Variants in KCNC2 observed in about 807,000 individuals in gnomAD.
KCNC2 encodes the protein voltage-gated potassium channel KCNC2.
Under a neutral mutation model 44.5 loss-of-function variants are expected in KCNC2, and 21 were observed. The ratio of observed to expected loss-of-function variants is 0.47; its 90% CI spans 0.33 to 0.68. KCNC2 has a LOEUF of 0.68. Among genes scored for constraint, KCNC2 ranks in the 30% least tolerant of loss-of-function variants. KCNC2 has a pLI of 0.01. For synonymous variants in KCNC2, 391 were observed against 339.1 expected (o/e 1.15, Z -1.68); for missense variants, 589 against 826.2 (o/e 0.71, Z 3.52).
intron 2 of KCNC2, among the ~76,000 whole-genome samples, chr12:75,117,959 T>C (rs536073237): frequency 1.3e-5 from 2 of 152,298 alleles, no homozygotes; most frequent in African/African-American, 4.8e-5. Flanking sequence ...TCATCCTGCA[T>C]AGTAATCAAT....
intron 2 of KCNC2, among the ~76,000 whole-genome samples, chr12:75,147,849 C>A (rs1429736608): frequency 6.6e-6 from 1 of 152,246 alleles, no homozygotes; most frequent in East Asian, 1.9e-4. Context: ...AGTTAGTGAT[C>A]TGGAAGATAT....
chr12:75,143,236 G>A (rs951474337), intron 2 of KCNC2, among the ~76,000 whole-genome samples: 8 of 152,038 alleles, frequency 5.3e-5, no homozygotes, highest in Admixed American at 3.3e-4. Flanking sequence ...AGTTGACCTC[G>A]GCGATCTCCA....
intron 2 of KCNC2, among the ~76,000 whole-genome samples, chr12:75,122,728 A>G (rs552089979): frequency 3.3e-5 from 5 of 152,284 alleles, no homozygotes; most frequent in Admixed American, 3.3e-4. Context: ...TCTATGAAAT[A>G]TTCATTATCA....
intron 2 of KCNC2, among the ~76,000 whole-genome samples, chr12:75,131,124 G>A (rs1339132776): frequency 4.6e-5 from 7 of 152,092 alleles, no homozygotes; most frequent in Admixed American, 2.6e-4. Flanking sequence ...GCTGTAACAC[G>A]TCAGCGAAAA....
chr12:75,076,684 G>C (rs1301226976), intron 2 of KCNC2, among the ~76,000 whole-genome samples: 1 of 152,026 alleles, frequency 6.6e-6, no homozygotes, highest in Non-Finnish European at 1.5e-5. Flanking sequence ...TTCTCCTCTA[G>C]AATATTAGAT....
intron 2 of KCNC2, among the ~76,000 whole-genome samples, chr12:75,158,560 T>G (rs975212289): frequency 3.3e-5 from 5 of 151,830 alleles, no homozygotes; most frequent in African/African-American, 1.2e-4. Flanking sequence ...AAAGCAAGGT[T>G]TTTTCATGGT....
In KCNC2 at chr12:75,116,781, A is replaced by G. The variant is rs1592907070; in HGVS notation, c.688-65464T>C. ...AGCCTGTACCCACCCTTCTTAACGG[A>G]CACCATATGCTGACCCTCCTCCCCC... On this transcript the variant is annotated intron_variant, in intron 2 of 4. Transcript: ENST00000549446. Among the ~76,000 whole-genome samples, 6 of 152,084 alleles carry G rather than the reference A, an allele frequency of 3.9e-5. No homozygotes were observed. The South Asian group carries it at 1.2e-3, about 31-fold the overall frequency.
At chr12:75,175,713 T>C (rs1051340606) in intron 2 of KCNC2, among the ~76,000 whole-genome samples, 2 of 152,032 alleles carry the variant, frequency 1.3e-5, no homozygotes, top group Admixed American at 6.6e-5. Flanking sequence ...ACAAAACACA[T>C]GTAGTAAAAG....
chr12:75,178,177 C>G (rs1892322586), intron 2 of KCNC2, among the ~76,000 whole-genome samples: 1 of 152,022 alleles, frequency 6.6e-6, no homozygotes, highest in Non-Finnish European at 1.5e-5. Flanking sequence ...CTTCTACTTT[C>G]ATCACAACCA....
Position 75,160,666 on chromosome 12 carries a change from A to T in KCNC2, c.687+46631T>A, listed in dbSNP as rs1050391799. On this transcript the variant is annotated intron_variant, in intron 2 of 4. Transcript: ENST00000549446. ...TGAAGGCGGTTTGTTTGAAAACAAT[A>T]TGCTTTTCTGGTAACAATGTTGTGG... Among the ~76,000 whole-genome samples the T allele has an allele frequency of 4.6e-5, 7 of 151,860 alleles. No homozygotes were observed. In the East Asian group the frequency reaches 5.8e-4, roughly 13 times the overall value.
intron 2 of KCNC2, among the ~76,000 whole-genome samples, chr12:75,073,934 CT>C (rs1883660416): frequency 6.6e-6 from 1 of 152,172 alleles, no homozygotes; most frequent in African/African-American, 2.4e-5. Flanking sequence ...GGAAAAGTGA[CT>C]TTTCCTTCTG....
intron 2 of KCNC2, among the ~76,000 whole-genome samples, chr12:75,181,563 C>T (rs1479573552): frequency 1.3e-5 from 2 of 152,162 alleles, no homozygotes; most frequent in African/African-American, 4.8e-5. Flanking sequence ...CTCCAACAGC[C>T]TCTCATTTTC....
intron 2 of KCNC2, among the ~76,000 whole-genome samples, chr12:75,088,636 C>A (rs1314945393): frequency 1.3e-5 from 2 of 150,910 alleles, no homozygotes; most frequent in Non-Finnish European, 2.9e-5. Flanking sequence ...ATTATATGGT[C>A]ACCCTTTAAG....
intron 2 of KCNC2, among the ~76,000 whole-genome samples, chr12:75,098,158 A>G (rs991882453): frequency 6.6e-6 from 1 of 152,176 alleles, no homozygotes; most frequent in Admixed American, 6.6e-5. Flanking sequence ...AGAATAACTT[A>G]AGAACATGAT....
chr12:75,170,046 A>T (rs917410895), intron 2 of KCNC2, among the ~76,000 whole-genome samples: 2 of 151,764 alleles, frequency 1.3e-5, no homozygotes, highest in East Asian at 1.9e-4. Context: ...ATGACTAAGT[A>T]AAAGAAAAAC....
At chr12:75,056,246 A>G (rs1011162726) in intron 2 of KCNC2, among the ~76,000 whole-genome samples, 2 of 152,030 alleles carry the variant, frequency 1.3e-5, no homozygotes, top group Non-Finnish European at 2.9e-5. Context: ...CTGCCTTTTA[A>G]AAGTTACTTC....
At chr12:75,096,110 C>A (rs954081754) in intron 2 of KCNC2, among the ~76,000 whole-genome samples, 1 of 151,980 alleles carries the variant, frequency 6.6e-6, no homozygotes, top group Non-Finnish European at 1.5e-5. Context: ...TTTCTTCATA[C>A]ATTACAACAG....
At chr12:75,208,062 A>AC in intron 1 of KCNC2, 60 bp from the exon 2 acceptor site, 1 of 1,577,820 alleles carries the variant, frequency 6.3e-7, no homozygotes, top group Non-Finnish European at 8.6e-7. Flanking sequence ...ACACACCATG[A>AC]CCCCCACCAC....
intron 2 of KCNC2, among the ~76,000 whole-genome samples, chr12:75,187,088 G>A (rs111497377): frequency 6.6e-6 from 1 of 152,054 alleles, no homozygotes; most frequent in East Asian, 1.9e-4. Flanking sequence ...CTTTACCAAA[G>A]GTATTCCATG....
Sources: allele counts gnomAD v4.1 joint callset (sites outside exome capture counted in the v4.1 genomes callset), GRCh38; gene constraint gnomAD v4.1.1; transcripts MANE v1.5; gene names NCBI Gene and HGNC (gene_info 2026-07-23, HGNC 2026-07-21).